Variants in NFIX observed in about 807,000 individuals in gnomAD.
NFIX encodes the protein nuclear factor I X, also known as nuclear factor 1 X-type.
Under a neutral mutation model 53.3 loss-of-function variants are expected in NFIX, and 2 were observed. The ratio of observed to expected loss-of-function variants is 0.04; its 90% CI spans 0.02 to 0.12. The LOEUF is 0.12. Among genes scored for constraint, NFIX ranks in the 10% least tolerant of loss-of-function variants. The pLI is 1.00. For synonymous variants in NFIX, 244 were observed against 289.0 expected (o/e 0.84, Z 1.58); for missense variants, 310 against 674.5 (o/e 0.46, Z 5.99).
chr19:13,053,821 G>A (rs2015476638), intron 2 of NFIX, among the ~76,000 whole-genome samples: 2 of 152,128 alleles, frequency 1.3e-5, no homozygotes, highest in South Asian at 4.1e-4. Flanking sequence ...TGGGGTTGAG[G>A]TGTGGGGGAA....
chr19:13,029,716 G>C lies in NFIX; in HGVS notation c.559+4164G>C, dbSNP rs939404879. On this transcript the variant is annotated intron_variant, in intron 2 of 10. Coordinates refer to ENST00000592199, the MANE Select transcript of NFIX (RefSeq NM_001365902.3). ...ACAGCTGAGCTTAGCCTTACCTGTC[G>C]CAGGAAATGGGTTAGCACCTGAAGA... 4.6e-5 allele frequency among the ~76,000 whole-genome samples: 7 copies of C among 152,208 alleles called. No homozygotes were observed. The East Asian group carries it at 1.3e-3, about 29-fold the overall frequency.
In NFIX at chr19:13,088,922, T is replaced by C. The variant is rs555655940; in HGVS notation, c.1402+786T>C. Among the ~76,000 whole-genome samples, 1 of 146,746 alleles carries C rather than the reference T, an allele frequency of 6.8e-6. No individual in the cohort carries two copies. The highest frequency in any genetic ancestry group is 2.1e-4 in the East Asian group (1 of 4,826). ...AAAAGAAGAAAAATCATTCGAGAGG[T>C]CCCAGGTAGACCCGGCGTGAAGGAC... is the stretch of plus-strand genomic sequence containing the variant. On this transcript the variant is annotated intron_variant, in intron 9 of 10. Transcript: ENST00000592199. The surrounding 1 kb of genome is among the most constrained non-coding windows in gnomAD (Gnocchi z 5.9).
Position 13,094,887 on chromosome 19 carries a change from A to T in NFIX, c.*238A>T. 1 of 534,280 alleles carries T rather than the reference A, an allele frequency of 1.9e-6. No individual in the cohort carries two copies. Among genetic ancestry groups the T allele is most frequent in the Non-Finnish European group, 3.4e-6 (1 of 297,316 alleles). 33.1% of individuals were successfully genotyped at this position (534,280 alleles called of 1,614,324 possible). A position where few individuals can be genotyped will look rare whatever the true frequency, so the allele number is the denominator to read the frequency against. ...GGTCTCGGTGGAGCTGTGCACCAGC[A>T]GCCAAGCAGAAAGAAACACGCGACA... On this transcript the variant is annotated 3_prime_UTR_variant, in exon 11 of 11. Coordinates refer to ENST00000592199, the MANE Select transcript of NFIX (RefSeq NM_001365902.3). The surrounding 1 kb of genome is among the most constrained non-coding windows in gnomAD (Gnocchi z 4.3).
At chr19:13,024,768 C>T in intron 1 of NFIX, 14 of 1,510,124 alleles carry the variant, frequency 9.3e-6, no homozygotes, top group Non-Finnish European at 1.2e-5. Context: ...GTAGAGGCTC[C>T]CGGTGCCTCT....
In NFIX at chr19:12,998,810, C is replaced by T. The variant is rs1429474281; in HGVS notation, c.27+2946C>T. Among the ~76,000 whole-genome samples the T allele has an allele frequency of 6.6e-6, 1 of 152,140 alleles. No homozygotes were observed. Among genetic ancestry groups the T allele is most frequent in the Non-Finnish European group, 1.5e-5 (1 of 68,024 alleles). On this transcript the variant is annotated intron_variant, in intron 1 of 10. Transcript: ENST00000592199. This position sits in a 1 kb window ranked among gnomAD's most constrained non-coding sequence, Gnocchi z 4.4. ...ACACACACCCATTAACACACACGCA[C>T]CTCTTGAAATGGGACACGTATATTG... is the stretch of plus-strand genomic sequence containing the variant.
chr19:13,002,377 C>G lies in NFIX; in HGVS notation c.27+6513C>G, dbSNP rs1162208343. On this transcript the variant is annotated intron_variant, in intron 1 of 10. Transcript: ENST00000592199. The surrounding 1 kb of genome is among the most constrained non-coding windows in gnomAD (Gnocchi z 6.1). Reference sequence around the variant, plus strand: ...GAAGAAGGGCTAGCTCCCCAACCCCCCCTTCCTCACCACCTCCCCCCTCCC... The same window carrying G: ...GAAGAAGGGCTAGCTCCCCAACCCCGCCTTCCTCACCACCTCCCCCCTCCC... 6.6e-6 allele frequency among the ~76,000 whole-genome samples: 1 copy of G among 152,106 alleles called. No individual in the cohort carries two copies. The highest frequency in any genetic ancestry group is 2.4e-5 in the African/African-American group (1 of 41,418).
chr19:13,098,555 C>G lies in NFIX; in HGVS notation c.*3906C>G, dbSNP rs1369927748. On this transcript the variant is annotated 3_prime_UTR_variant, in exon 11 of 11. Coordinates refer to ENST00000592199, the MANE Select transcript of NFIX (RefSeq NM_001365902.3). ...TCCCCCTCTTCTCTGCCCTCCACCC[C>G]CGTCTCTGCACTGAGATACATAAGA... 6.6e-6 allele frequency: 1 copy of G among 151,740 alleles called. No homozygotes were observed. The highest frequency in any genetic ancestry group is 2.4e-5 in the African/African-American group (1 of 40,974). 9.4% of individuals were successfully genotyped at this position (151,740 alleles called of 1,614,324 possible). A position where few individuals can be genotyped will look rare whatever the true frequency, so the allele number is the denominator to read the frequency against.
chr19:13,073,888 C>A lies in NFIX; in HGVS notation c.698-18C>A. ...CTCCCCCCACCTCCAAACCTCATCA[C>A]CCTCTCGTTCTTCCCAGCTCCTGTT... On this transcript the variant is annotated intron_variant, in intron 4 of 10. Transcript: ENST00000592199. This position sits in a 1 kb window ranked among gnomAD's most constrained non-coding sequence, Gnocchi z 4.5. 1 of 1,613,950 alleles carries A rather than the reference C, an allele frequency of 6.2e-7. No individual in the cohort carries two copies. Among genetic ancestry groups the A allele is most frequent in the Non-Finnish European group, 8.5e-7 (1 of 1,179,862 alleles).
rs1300624100 is a variant in NFIX at position 13,090,982 on chromosome 19, C to G, written c.1494+592C>G. On this transcript the variant is annotated intron_variant, in intron 10 of 10. Transcript: ENST00000592199. The surrounding 1 kb of genome is among the most constrained non-coding windows in gnomAD (Gnocchi z 6.6). ...TCCTTGCTCCTATCCCCTGCTGACA[C>G]CACCCTTAGTTCTCACCAGGAGACA... Among the ~76,000 whole-genome samples the G allele has an allele frequency of 4.6e-5, 7 of 152,152 alleles. No homozygotes were observed. The highest frequency in any genetic ancestry group is 8.8e-5 in the Non-Finnish European group (6 of 68,010).
chr19:13,090,151 C>T lies in NFIX; in HGVS notation c.1403-148C>T. On this transcript the variant is annotated intron_variant, in intron 9 of 10. Coordinates refer to ENST00000592199, the MANE Select transcript of NFIX (RefSeq NM_001365902.3). This position sits in a 1 kb window ranked among gnomAD's most constrained non-coding sequence, Gnocchi z 6.6. The stretch of plus-strand genomic sequence containing the variant: ...GAGCCTGGCCTTCAGCTCAGATGCC[C>T]CTCTGGCCCATCCTTCCCACTGCCA... 1 of 732,560 alleles carries T rather than the reference C, an allele frequency of 1.4e-6. No homozygotes were observed. The highest frequency in any genetic ancestry group is 1.6e-5 in the South Asian group (1 of 61,446). 45.4% of individuals were successfully genotyped at this position (732,560 alleles called of 1,614,324 possible). A position where few individuals can be genotyped will look rare whatever the true frequency, so the allele number is the denominator to read the frequency against.
rs1388951944 is a variant in NFIX at position 12,996,665 on chromosome 19, C to G, written c.27+801C>G. ...GACCCGGGCTGCTGCGGAGTGGACC[C>G]GGCAGGCCTGGGGAATCCCGTCCCG... On this transcript the variant is annotated intron_variant, in intron 1 of 10. Coordinates refer to ENST00000592199, the MANE Select transcript of NFIX (RefSeq NM_001365902.3). The surrounding 1 kb of genome is among the most constrained non-coding windows in gnomAD (Gnocchi z 5.2). 6.6e-6 allele frequency among the ~76,000 whole-genome samples: 1 copy of G among 152,182 alleles called. No individual in the cohort carries two copies. Among genetic ancestry groups the G allele is most frequent in the African/African-American group, 2.4e-5 (1 of 41,438 alleles).
chr19:13,063,449 C>G (rs1175827167), intron 2 of NFIX, among the ~76,000 whole-genome samples: 4 of 151,844 alleles, frequency 2.6e-5, no homozygotes, highest in East Asian at 3.9e-4. Flanking sequence ...CAAAGCCACT[C>G]TTGAGTATCT....
intron 1 of NFIX, among the ~76,000 whole-genome samples, chr19:13,004,996 T>C (rs973024957): frequency 2.6e-5 from 4 of 152,144 alleles, no homozygotes; most frequent in Non-Finnish European, 5.9e-5. Context: ...TTTGTATTTT[T>C]AGTAGAGACA....
rs1260282151 is a variant in NFIX at position 13,002,069 on chromosome 19, G to A, written c.27+6205G>A. Among the ~76,000 whole-genome samples, 2 of 152,168 alleles carry A rather than the reference G, an allele frequency of 1.3e-5. No homozygotes were observed. Among genetic ancestry groups the A allele is most frequent in the African/African-American group, 4.8e-5 (2 of 41,442 alleles). On this transcript the variant is annotated intron_variant, in intron 1 of 10. Coordinates refer to ENST00000592199, the MANE Select transcript of NFIX (RefSeq NM_001365902.3). The surrounding 1 kb of genome is among the most constrained non-coding windows in gnomAD (Gnocchi z 6.1). ...GGTGTCCGGCTGTCTCCGTGGGCCT[G>A]AGCCCACTATCCCCGCTGCCCCCAC...
chr19:13,075,519 T>C lies in NFIX; in HGVS notation c.819-16T>C, dbSNP rs764373567. ...AGCCCATCCTTGGCCCATGTGACCC[T>C]TTCTTTCTTCCCCAGCACCACCAAG... On this transcript the variant is annotated splice_polypyrimidine_tract_variant and intron_variant, in intron 5 of 10. Transcript: ENST00000592199. 7 of 1,613,040 alleles carry C rather than the reference T, an allele frequency of 4.3e-6. No individual in the cohort carries two copies. The highest frequency in any genetic ancestry group is 5.9e-6 in the Non-Finnish European group (7 of 1,179,438).
At chr19:13,054,482 C>T (rs2015525068) in intron 2 of NFIX, among the ~76,000 whole-genome samples, 1 of 152,080 alleles carries the variant, frequency 6.6e-6, no homozygotes, top group African/African-American at 2.4e-5. Context: ...CTGAGGAGCT[C>T]AGAGGAGTCT....
rs866820600 is a variant in NFIX at position 13,036,126 on chromosome 19, C to T, written c.559+10574C>T. The stretch of plus-strand genomic sequence containing the variant: ...GGGGCTGCGGCTGGAGGGAGGGGCC[C>T]CTGGGAAGTATCCTGCTTGGCTGCA... On this transcript the variant is annotated intron_variant, in intron 2 of 10. Transcript: ENST00000592199. The surrounding 1 kb of genome is among the most constrained non-coding windows in gnomAD (Gnocchi z 4.7). 1.3e-5 allele frequency among the ~76,000 whole-genome samples: 2 copies of T among 152,202 alleles called. No homozygotes were observed. Among genetic ancestry groups the T allele is most frequent in the African/African-American group, 2.4e-5 (1 of 41,450 alleles).
intron 1 of NFIX, among the ~76,000 whole-genome samples, chr19:12,997,558 T>C (rs999943345): frequency 1.3e-5 from 2 of 152,212 alleles, no homozygotes; most frequent in Admixed American, 1.3e-4. Flanking sequence ...AACAACTGCC[T>C]ACCCAGCGGT....
intron 7 of NFIX, among the ~76,000 whole-genome samples, chr19:13,079,639 CG>C (rs1396564331): frequency 6.6e-6 from 1 of 151,764 alleles, no homozygotes; most frequent in African/African-American, 2.4e-5. Flanking sequence ...CAGAGGCAGC[CG>C]GTGCTGGGGC....
Sources: gnomAD v4.1 joint callset for allele counts (sites outside exome capture counted in the v4.1 genomes callset) on GRCh38, gnomAD v4.1.1 for gene constraint, Gnocchi (gnomAD v3.1) non-coding constraint, MANE v1.5 for transcripts, NCBI Gene and HGNC (gene_info 2026-07-23, HGNC 2026-07-21) for gene names.